MAGI1: variants seen among roughly 807,000 people sequenced by gnomAD.
MAGI1 encodes membrane associated guanylate kinase, WW and PDZ domain containing 1.
Under a neutral mutation model 139.9 loss-of-function variants are expected in MAGI1, and 58 were observed. The observed-to-expected ratio is 0.41, with a 90% CI of 0.34 to 0.52. MAGI1 has a LOEUF of 0.52. MAGI1 is among the 20% of genes least tolerant of loss of function. The pLI, the probability that MAGI1 is intolerant of heterozygous loss-of-function variation, is 0.12. For synonymous variants in MAGI1, 812 were observed against 737.9 expected (o/e 1.10, Z -1.63); for missense variants, 1,874 against 1,901.6 (o/e 0.99, Z 0.27).
chr3:65,693,278 A>C (rs1362187764), intron 1 of MAGI1, among the ~76,000 whole-genome samples: 2 of 152,126 alleles, frequency 1.3e-5, no homozygotes, highest in African/African-American at 4.8e-5. Context: ...TAAATTACCC[A>C]GTCTCAGGGA....
intron 1 of MAGI1, among the ~76,000 whole-genome samples, chr3:65,805,572 G>A (rs1352429378): frequency 6.6e-6 from 1 of 152,104 alleles, no homozygotes; most frequent in Non-Finnish European, 1.5e-5. Flanking sequence ...ATTTGACCCG[G>A]CAATCCCATT....
chr3:65,883,410 T>A (rs1353641864), intron 1 of MAGI1, among the ~76,000 whole-genome samples: 2 of 152,068 alleles, frequency 1.3e-5, no homozygotes, highest in Non-Finnish European at 2.9e-5. Flanking sequence ...AACAAGAATA[T>A]ATATTTTATA....
intron 1 of MAGI1, among the ~76,000 whole-genome samples, chr3:65,863,147 T>C (rs1273000406): frequency 2.6e-5 from 4 of 152,354 alleles, no homozygotes; most frequent in Admixed American, 6.5e-5. Flanking sequence ...AATTCCTTAA[T>C]AGTTGACAAA....
intron 1 of MAGI1, among the ~76,000 whole-genome samples, chr3:65,993,652 G>A (rs1018889584): frequency 4.6e-5 from 7 of 152,204 alleles, no homozygotes; most frequent in African/African-American, 1.7e-4. Flanking sequence ...TCACAAGCCT[G>A]TGAGTTAGGC....
intron 1 of MAGI1, among the ~76,000 whole-genome samples, chr3:65,669,312 T>G (rs533581547): frequency 6.6e-6 from 1 of 152,168 alleles, no homozygotes; most frequent in Admixed American, 6.5e-5. Context: ...TGATTTCCCA[T>G]TGAAACTCTT....
At chr3:65,818,029 T>A (rs1303600833) in intron 1 of MAGI1, among the ~76,000 whole-genome samples, 1 of 144,950 alleles carries the variant, frequency 6.9e-6, no homozygotes, top group South Asian at 2.3e-4. Context: ...AGAAAACAAC[T>A]AAGTAAAATT....
At chr3:65,488,584 G>A (rs924142081) in intron 3 of MAGI1, among the ~76,000 whole-genome samples, 4 of 152,044 alleles carry the variant, frequency 2.6e-5, no homozygotes, top group South Asian at 2.1e-4. Flanking sequence ...AAAATGATCC[G>A]CCTGCCTTGG....
Position 65,514,181 on chromosome 3 carries a change from G to A in MAGI1, c.431-20550C>T, listed in dbSNP as rs1030322350. On this transcript the variant is annotated intron_variant, in intron 2 of 22. Coordinates refer to ENST00000402939, the MANE Select transcript of MAGI1 (RefSeq NM_001033057.2). ...TTCAAGATGGATTAAAGATTTAAAC[G>A]TTAGACTTAAAACCATAAAAACCCT... Among the ~76,000 whole-genome samples the A allele has an allele frequency of 4.1e-3, 622 of 151,412 alleles. 6 individuals are homozygous for A. The highest frequency in any genetic ancestry group is 0.014 in the African/African-American group (587 of 41,272).
intron 1 of MAGI1, among the ~76,000 whole-genome samples, chr3:65,649,626 ACT>A (rs1372908335): frequency 7.2e-5 from 11 of 152,182 alleles, no homozygotes; most frequent in African/African-American, 2.7e-4. Flanking sequence ...CATATAAATA[ACT>A]CTGAATATTC....
At chr3:65,486,433 G>C (rs988853577) in intron 3 of MAGI1, among the ~76,000 whole-genome samples, 2 of 152,110 alleles carry the variant, frequency 1.3e-5, no homozygotes, top group African/African-American at 4.8e-5. Flanking sequence ...GAAGTCCCAA[G>C]GGCTGGCTGA....
intron 1 of MAGI1, among the ~76,000 whole-genome samples, chr3:65,660,440 C>T (rs1225580509): frequency 6.6e-6 from 1 of 152,236 alleles, no homozygotes; most frequent in Non-Finnish European, 1.5e-5. Context: ...ACAGACAATA[C>T]ATCCTAGGAA....
At chr3:65,740,887 A>G (rs1284887986) in intron 1 of MAGI1, among the ~76,000 whole-genome samples, 1 of 152,178 alleles carries the variant, frequency 6.6e-6, no homozygotes, top group African/African-American at 2.4e-5. Context: ...TATAAACAAA[A>G]ATGTTCAGCC....
chr3:65,723,574 T>C (rs2033286335), intron 1 of MAGI1, among the ~76,000 whole-genome samples: 1 of 152,170 alleles, frequency 6.6e-6, no homozygotes, highest in African/African-American at 2.4e-5. Flanking sequence ...CTCATGGTGT[T>C]TGTCACAAAG....
At chr3:65,530,901 A>G (rs2078685184) in intron 2 of MAGI1, among the ~76,000 whole-genome samples, 1 of 148,422 alleles carries the variant, frequency 6.7e-6, no homozygotes, top group Non-Finnish European at 1.5e-5. Flanking sequence ...TGGGGTTTGG[A>G]GAAAAACAGC....
chr3:65,381,872 C>T lies in MAGI1; in HGVS notation c.2701+5G>A, dbSNP rs1943085074. On this transcript the variant is annotated splice_donor_5th_base_variant and intron_variant, in intron 16 of 22. Coordinates refer to ENST00000402939, the MANE Select transcript of MAGI1 (RefSeq NM_001033057.2). ...ACTGTCTGAAGGAATGAATGAAATA[C>T]ATACCCGCAAAAACCACTTTACGCC... is the stretch of plus-strand genomic sequence containing the variant. 2 of 1,604,286 alleles carry T rather than the reference C, an allele frequency of 1.2e-6. No homozygotes were observed. The highest frequency in any genetic ancestry group is 8.5e-7 in the Non-Finnish European group (1 of 1,175,368).
At chr3:65,950,876 G>A (rs1040206116) in intron 1 of MAGI1, among the ~76,000 whole-genome samples, 6 of 151,806 alleles carry the variant, frequency 4.0e-5, no homozygotes, top group African/African-American at 1.5e-4. Context: ...CCATTCTTTT[G>A]GCTTCCCTGG....
intron 1 of MAGI1, among the ~76,000 whole-genome samples, chr3:65,917,112 C>T (rs1208933558): frequency 6.6e-6 from 1 of 152,136 alleles, no homozygotes; most frequent in East Asian, 1.9e-4. Context: ...AAGAGAGAAA[C>T]ATCTAGAAAG....
chr3:65,638,908 T>G (rs1340062055), intron 1 of MAGI1, among the ~76,000 whole-genome samples: 1 of 151,944 alleles, frequency 6.6e-6, no homozygotes, highest in Middle Eastern at 3.2e-3. Context: ...GGCGTGGCCG[T>G]GGCTTATTTT....
intron 13 of MAGI1, among the ~76,000 whole-genome samples, chr3:65,397,236 AG>A (rs1470410318): frequency 3.3e-5 from 5 of 152,350 alleles, no homozygotes; most frequent in African/African-American, 9.6e-5. Flanking sequence ...AGAAAGAGGC[AG>A]GGTACATAAA....
Sources: allele counts gnomAD v4.1 joint callset (sites outside exome capture counted in the v4.1 genomes callset), GRCh38; gene constraint gnomAD v4.1.1; transcripts MANE v1.5; gene names NCBI Gene and HGNC (gene_info 2026-07-23, HGNC 2026-07-21).